Variants in FAM185A observed in about 807,000 individuals in gnomAD.
FAM185A encodes family with sequence similarity 185 member A.
Under a neutral mutation model 45.7 loss-of-function variants are expected in FAM185A, and 21 were observed. The observed-to-expected ratio is 0.46, with a 90% CI of 0.33 to 0.66. The LOEUF is 0.66. Ranked by LOEUF, FAM185A falls within the 30% of genes least tolerant of loss-of-function variation. FAM185A has a pLI of 0.03. For missense variants in FAM185A, 305 were observed against 485.4 expected, an observed-to-expected ratio of 0.63 and a Z score of 3.49; for synonymous variants, 117 against 194.0, an observed-to-expected ratio of 0.60 and a Z score of 3.30.
the FAM185A span, among the ~76,000 whole-genome samples, chr7:102,847,813 A>AC: frequency 6.6e-6 from 1 of 151,996 alleles, no homozygotes; most frequent in Admixed American, 6.6e-5. Context: ...ATAGGTGTGA[A>AC]CTACTGCACC....
intron 7 of FAM185A, among the ~76,000 whole-genome samples, chr7:102,807,661 C>T (rs1402279882): frequency 6.6e-6 from 1 of 151,998 alleles, no homozygotes; most frequent in African/African-American, 2.4e-5. Context: ...TGCCTGTAAT[C>T]CCAGTACTTT....
downstream of FAM185A, among the ~76,000 whole-genome samples, chr7:102,809,600 C>G (rs138703681): frequency 0.012 from 1,898 of 151,958 alleles, 47 homozygotes; most frequent in African/African-American, 0.044. Context: ...TATTTGGGAG[C>G]CTGAGGCAGG....
At chr7:102,757,290 T>C (rs1793807833) in intron 2 of FAM185A, among the ~76,000 whole-genome samples, 1 of 152,176 alleles carries the variant, frequency 6.6e-6, no homozygotes, top group Non-Finnish European at 1.5e-5. Context: ...AACTTGATTC[T>C]AATTGTTACT....
chr7:102,749,465 C>G lies in FAM185A; in HGVS notation c.258C>G (p.Ala86=), dbSNP rs1220098059. 1 of 1,547,064 alleles carries G rather than the reference C, an allele frequency of 6.5e-7. No individual in the cohort carries two copies. The highest frequency in any genetic ancestry group is 1.4e-5 in the African/African-American group (1 of 73,032). The part of the protein sequence containing the change: ...RLRARLPCHL[A]VRPLDPLTYP... ...GGGCGCGGCTCCCGTGCCACCTGGC[C>G]GTGAGGCCCCTGGACCCCCTCACCT... Residue 86 remains alanine (A), a synonymous_variant, in exon 1 of 8, where the codon GCC becomes GCG. Transcript: ENST00000413034.
chr7:102,832,094 C>G, the FAM185A span, among the ~76,000 whole-genome samples: 1 of 152,096 alleles, frequency 6.6e-6, no homozygotes, highest in Non-Finnish European at 1.5e-5. Context: ...AAAATACCAG[C>G]GATGGTTATG....
chr7:102,798,244 C>T (rs1441872023), intron 7 of FAM185A, among the ~76,000 whole-genome samples: 1 of 152,112 alleles, frequency 6.6e-6, no homozygotes, highest in East Asian at 1.9e-4. Flanking sequence ...TTTTGAAACC[C>T]CAAATTCCAA....
At chr7:102,834,103 AAAGAAAG>A in the FAM185A span, among the ~76,000 whole-genome samples, 21 of 103,056 alleles carry the variant, frequency 2.0e-4, no homozygotes, top group African/African-American at 4.4e-4. Context: ...AGAAAGAAAG[AAAGAAAG>A]AAAGAAAGAA....
the FAM185A span, among the ~76,000 whole-genome samples, chr7:102,828,109 A>T: frequency 3.3e-5 from 5 of 152,196 alleles, no homozygotes; most frequent in Admixed American, 3.3e-4. Flanking sequence ...GTTATTTCCA[A>T]TTCTGTGAAG....
the FAM185A span, among the ~76,000 whole-genome samples, chr7:102,834,441 T>TTA: frequency 7.8e-6 from 1 of 128,804 alleles, no homozygotes; most frequent in Non-Finnish European, 1.6e-5. Flanking sequence ...ATTATATATA[T>TTA]TATATATATG....
rs869220298 is a variant in FAM185A, at chr7:102,758,427, CTTTTTTTT to C, written c.654+506_654+513del. Among the ~76,000 whole-genome samples the C allele has an allele frequency of 3.7e-3, 168 of 45,864 alleles. 1 individual carries two copies. Among genetic ancestry groups the C allele is most frequent in the African/African-American group, 0.011 (157 of 14,010 alleles). The allele number at this position is 45,864 out of a possible 152,430, so 30.1% of individuals were successfully genotyped here. ...TTAGATAGCTTTACTGCTCTCACAG[CTTTTTTTT>C]TTTTTTTTTTTTTTTTTTTTTTTTA... On this transcript the variant is annotated intron_variant, in intron 3 of 7. Coordinates refer to ENST00000413034, the MANE Select transcript of FAM185A (RefSeq NM_001145268.2).
chr7:102,800,124 C>T (rs1404976884), intron 7 of FAM185A, among the ~76,000 whole-genome samples: 1 of 152,148 alleles, frequency 6.6e-6, no homozygotes, highest in Non-Finnish European at 1.5e-5. Context: ...GGTAGACTTG[C>T]TGGGTGGCTA....
chr7:102,755,396 C>T (rs1476512144), intron 2 of FAM185A: 11 of 590,560 alleles, frequency 1.9e-5, no homozygotes, highest in Non-Finnish European at 3.0e-5. Context: ...AACCAGTTCA[C>T]CCAGGCCCTG....
chr7:102,780,701 C>T (rs915344184), intron 6 of FAM185A, among the ~76,000 whole-genome samples: 1 of 152,154 alleles, frequency 6.6e-6, no homozygotes, highest in African/African-American at 2.4e-5. Context: ...ATGCTGAATA[C>T]GAACAGCTCC....
In FAM185A at chr7:102,765,119, T is replaced by G. The variant is rs1365962331; in HGVS notation, c.793+3708T>G. On this transcript the variant is annotated intron_variant, in intron 4 of 7. Transcript: ENST00000413034. ...GAATAGCAAGGATTTGATCCTAGTT[T>G]CTTGGCTTTCTAGGAGAGGTTTTTA... 2.0e-5 allele frequency among the ~76,000 whole-genome samples: 3 copies of G among 152,170 alleles called. No individual in the cohort carries two copies. The East Asian group carries it at 5.8e-4, about 29-fold the overall frequency.
At chr7:102,850,208 C>T in the FAM185A span, among the ~76,000 whole-genome samples, 1 of 152,052 alleles carries the variant, frequency 6.6e-6, no homozygotes, top group Non-Finnish European at 1.5e-5. Flanking sequence ...AAAAATAGTA[C>T]AATTTTTAGG....
intron 7 of FAM185A, among the ~76,000 whole-genome samples, chr7:102,798,967 C>G (rs1310253209): frequency 2.0e-5 from 3 of 152,200 alleles, no homozygotes; most frequent in African/African-American, 7.2e-5. Flanking sequence ...AGGCTGGTCT[C>G]AAACTCCTGA....
the FAM185A span, among the ~76,000 whole-genome samples, chr7:102,829,477 T>G: frequency 6.6e-6 from 1 of 152,162 alleles, no homozygotes; most frequent in Non-Finnish European, 1.5e-5. Flanking sequence ...GGGCTTTGCT[T>G]TAATTTTTCT....
intron 6 of FAM185A, among the ~76,000 whole-genome samples, chr7:102,785,362 G>A (rs1335414518): frequency 7.4e-5 from 11 of 147,716 alleles, no homozygotes; most frequent in South Asian, 2.2e-4. Context: ...AAAAGAGCCC[G>A]CATCGCCAAG....
intron 7 of FAM185A, among the ~76,000 whole-genome samples, chr7:102,791,778 AGGT>A (rs1164290289): frequency 2.0e-5 from 3 of 151,776 alleles, no homozygotes; most frequent in Non-Finnish European, 4.4e-5. Flanking sequence ...GAGTATGAAC[AGGT>A]GATTGGGTTT....
Sources: gnomAD v4.1 joint callset for allele counts (sites outside exome capture counted in the v4.1 genomes callset) on GRCh38, gnomAD v4.1.1 for gene constraint, MANE v1.5 for transcripts, NCBI Gene and HGNC (gene_info 2026-07-23, HGNC 2026-07-21) for gene names.